The following GRIN2A variants were observed in gnomAD, a reference collection of about 807,000 sequenced individuals.
GRIN2A encodes glutamate ionotropic receptor NMDA type subunit 2A.
A neutral mutation model predicts 113.4 loss-of-function variants in GRIN2A; 22 were observed. The ratio of observed to expected loss-of-function variants is 0.19; its 90% CI spans 0.14 to 0.28. The LOEUF is 0.28. GRIN2A is among the 10% of genes least tolerant of loss of function. The probability of loss-of-function intolerance (pLI) is 1.00; values close to 1 mark genes in which losing one functional copy is unlikely to be tolerated. For synonymous variants in GRIN2A, 827 were observed against 738.4 expected (o/e 1.12, Z -1.94); for missense variants, 1,502 against 1,887.0 (o/e 0.80, Z 3.78).
At chr16:10,093,022 T>C (rs2048212042) in intron 2 of GRIN2A, among the ~76,000 whole-genome samples, 1 of 151,990 alleles carries the variant, frequency 6.6e-6, no homozygotes, top group African/African-American at 2.4e-5. Context: ...GTATTTTTAG[T>C]AGAGGTGGGG....
intron 9 of GRIN2A, among the ~76,000 whole-genome samples, chr16:9,824,431 C>T (rs534349899): frequency 7.0e-4 from 106 of 152,282 alleles, no homozygotes; most frequent in African/African-American, 2.3e-3. Flanking sequence ...CAGAGATATC[C>T]GGAGATGGCC....
At chr16:9,899,704 T>A (rs978893502) in intron 3 of GRIN2A, among the ~76,000 whole-genome samples, 1 of 151,914 alleles carries the variant, frequency 6.6e-6, no homozygotes, top group African/African-American at 2.4e-5. Context: ...AGGGCAGGGG[T>A]CTTTGTTCTG....
intron 2 of GRIN2A, among the ~76,000 whole-genome samples, chr16:10,042,072 T>C (rs1170411273): frequency 2.0e-5 from 3 of 152,254 alleles, no homozygotes; most frequent in East Asian, 3.9e-4. Context: ...AATAGTGTGG[T>C]AGACCTTGTA....
intron 2 of GRIN2A, among the ~76,000 whole-genome samples, chr16:9,964,569 C>T (rs1045207152): frequency 3.3e-5 from 5 of 152,120 alleles, no homozygotes; most frequent in Admixed American, 1.3e-4. Context: ...CTTTCCTTTC[C>T]GGAGGCCGTA....
intron 2 of GRIN2A, among the ~76,000 whole-genome samples, chr16:10,095,609 A>C (rs550047112): frequency 6.6e-6 from 1 of 152,332 alleles, no homozygotes; most frequent in South Asian, 2.1e-4. Flanking sequence ...GTATCTGCCT[A>C]ATAATATAGG....
intron 2 of GRIN2A, among the ~76,000 whole-genome samples, chr16:10,034,480 G>A (rs901212454): frequency 2.9e-5 from 4 of 139,352 alleles, no homozygotes; most frequent in South Asian, 2.4e-4. Context: ...AGCCAAGATC[G>A]TGTCACTGCA....
intron 4 of GRIN2A, among the ~76,000 whole-genome samples, chr16:9,875,053 G>C (rs1344679024): frequency 6.9e-6 from 1 of 145,746 alleles, no homozygotes; most frequent in East Asian, 2.2e-4. Context: ...AGGGAGTGCA[G>C]CGGCATGAAC....
At chr16:9,879,935 C>G (rs1035008047) in intron 4 of GRIN2A, among the ~76,000 whole-genome samples, 18 of 152,228 alleles carry the variant, frequency 1.2e-4, no homozygotes, top group Admixed American at 8.5e-4. Context: ...CATTTAAATT[C>G]TAGCATAGTC....
rs769309646 is a variant in GRIN2A at position 9,783,988 on chromosome 16, A to AGG, written c.2356+14287_2356+14288dup. Among the ~76,000 whole-genome samples, 4 of 152,224 alleles carry AGG rather than the reference A, an allele frequency of 2.6e-5. No homozygotes were observed. In the East Asian group the frequency reaches 7.7e-4, roughly 29 times the overall value. On this transcript the variant is annotated intron_variant, in intron 11 of 12. Coordinates refer to ENST00000330684, the MANE Select transcript of GRIN2A (RefSeq NM_001134407.3). Reference sequence around the variant, plus strand: ...CTAATGGAGGGTGGAGGATAGGAGGAGGGAGAGGATCAGGAAAAACAAATA... The same window carrying AGG: ...CTAATGGAGGGTGGAGGATAGGAGGAGGGGGAGAGGATCAGGAAAAACAAATA...
At chr16:9,942,342 A>AG in intron 2 of GRIN2A, among the ~76,000 whole-genome samples, 1 of 152,254 alleles carries the variant, frequency 6.6e-6, no homozygotes, top group South Asian at 2.1e-4. Flanking sequence ...GGTCTATTGA[A>AG]CCTAAATTCA....
chr16:9,796,844 T>A (rs952713775), intron 11 of GRIN2A, among the ~76,000 whole-genome samples: 6 of 152,084 alleles, frequency 3.9e-5, no homozygotes, highest in Admixed American at 3.9e-4. Context: ...GCCTCTAAGA[T>A]CTCACAGCAA....
chr16:9,971,814 GA>G (rs796581058), intron 2 of GRIN2A, among the ~76,000 whole-genome samples: 136 of 149,190 alleles, frequency 9.1e-4, no homozygotes, highest in South Asian at 1.5e-3. Context: ...AAGCTAGAAG[GA>G]AAAAAAAAAT....
chr16:9,828,502 T>A (rs779736469), intron 9 of GRIN2A, among the ~76,000 whole-genome samples: 2 of 152,232 alleles, frequency 1.3e-5, no homozygotes, highest in Non-Finnish European at 2.9e-5. Context: ...GTCAAAAAGA[T>A]ATGTTAGCGA....
At chr16:9,940,017 T>TGA (rs71402418) in intron 2 of GRIN2A, among the ~76,000 whole-genome samples, 24,559 of 130,664 alleles carry the variant, frequency 0.19, 1,856 homozygotes, top group Non-Finnish European at 0.23. Flanking sequence ...GGGATTCCAC[T>TGA]GAGAGAGAGA....
intron 2 of GRIN2A, among the ~76,000 whole-genome samples, chr16:10,141,572 C>T (rs552263559): frequency 2.0e-5 from 3 of 152,320 alleles, no homozygotes; most frequent in East Asian, 1.9e-4. Flanking sequence ...ATCCAAATGA[C>T]ACCTGGATCT....
chr16:10,117,138 G>A (rs951008989), intron 2 of GRIN2A, among the ~76,000 whole-genome samples: 3 of 151,932 alleles, frequency 2.0e-5, no homozygotes, highest in Non-Finnish European at 2.9e-5. Context: ...TCTGGATTTC[G>A]TGTTCCTCCT....
intron 2 of GRIN2A, among the ~76,000 whole-genome samples, chr16:9,949,786 C>T (rs1001657081): frequency 3.3e-5 from 5 of 151,792 alleles, no homozygotes; most frequent in African/African-American, 4.8e-5. Context: ...AACAGATGGA[C>T]GGATGGGTGG....
Position 9,763,297 on chromosome 16 carries a change from C to G in GRIN2A, c.4247G>C (p.Ser1416Thr), listed in dbSNP as rs377712891. The G allele has an allele frequency of 6.2e-7, 1 of 1,614,202 alleles. No individual in the cohort carries two copies. Among genetic ancestry groups the G allele is most frequent in the African/African-American group, 1.3e-5 (1 of 75,064 alleles). Residue 1416 changes from serine (S) to threonine (T), a missense_variant, in exon 13 of 13, where the codon AGT becomes ACT. By Grantham distance (58) the Ser-to-Thr change is moderately conservative. Around this residue, in one of 7 missense-constraint regions of GRIN2A, gnomAD observed 832 missense variants for 789.7 expected, o/e 1.05. Transcript: ENST00000330684. ...AATATACACATCATTGTGGCCCCGA[C>G]TGTCCCTGGAACAGTACGATGCCGT... ...RSTASYCSRDSRGHNDVYISE... is the reference protein window; with the variant it reads ...RSTASYCSRDTRGHNDVYISE...
chr16:9,818,984 C>T (rs1349894969), intron 10 of GRIN2A, among the ~76,000 whole-genome samples: 1 of 151,978 alleles, frequency 6.6e-6, no homozygotes, highest in Non-Finnish European at 1.5e-5. Context: ...AGAGGCCTGA[C>T]CAAATAAAAT....
Sources: allele counts gnomAD v4.1 joint callset (sites outside exome capture counted in the v4.1 genomes callset), GRCh38; gene constraint gnomAD v4.1.1; regional missense constraint gnomAD v4.1.1; transcripts MANE v1.5; gene names NCBI Gene and HGNC (gene_info 2026-07-23, HGNC 2026-07-21).